Variants in GPR180 observed in about 807,000 individuals in gnomAD.
GPR180 encodes the protein integral membrane protein GPR180.
In GPR180, 53 loss-of-function variants were observed where a neutral mutation model predicts 52.6. The ratio of observed to expected loss-of-function variants is 1.01; its 90% CI spans 0.81 to 1.27. The LOEUF is 1.27. GPR180 is among the 50% of genes most tolerant of loss of function. The pLI is 0.00. For synonymous variants in GPR180, 200 were observed against 193.1 expected, an observed-to-expected ratio of 1.04 and a Z score of -0.30; for missense variants, 533 against 527.0, an observed-to-expected ratio of 1.01 and a Z score of -0.11.
At chr13:94,618,419 G>GTTTTTTTT (rs1566980109) in intron 3 of GPR180, among the ~76,000 whole-genome samples, 2 of 72,978 alleles carry the variant, frequency 2.7e-5, no homozygotes, top group African/African-American at 2.4e-4. Flanking sequence ...ATCAGCACAG[G>GTTTTTTTT]ATTTTTTTTT....
Position 94,619,165 on chromosome 13 carries a change from T to A in GPR180, c.521T>A (p.Phe174Tyr). The change falls in exon 4 of 9, where the codon TTT (phenylalanine) becomes TAT (tyrosine). Residue 174 changes from phenylalanine to tyrosine, a missense_variant. Phe to Tyr is a conservative substitution (Grantham distance 22). Transcript: ENST00000376958. ...SAGESGLHEF[F>Y]FLLVLVYFVI... The stretch of plus-strand genomic sequence containing the variant: ...CTCTTCACAGGGTTACATGAGTTCT[T>A]TTTCCTCCTAGTCCTAGTGTACTTT... 1.9e-6 allele frequency: 3 copies of A among 1,613,788 alleles called. No individual in the cohort carries two copies. The highest frequency in any genetic ancestry group is 2.5e-6 in the Non-Finnish European group (3 of 1,179,904).
rs1241216594 is a variant in GPR180, at chr13:94,601,938, T to C, written c.11T>C (p.Leu4Pro). 6.7e-7 allele frequency: 1 copy of C among 1,494,430 alleles called. No individual in the cohort carries two copies. The highest frequency in any genetic ancestry group is 8.9e-7 in the Non-Finnish European group (1 of 1,127,660). 92.6% of individuals were successfully genotyped at this position (1,494,430 alleles called of 1,614,324 possible). ...GACCTGGAGACGGGCATGGGGGGGC[T>C]GCGGCTGCTGGCTGTGGCCCTCACG... MGG[L>P]RLLAVALTCC... Residue 4 changes from leucine (L) to proline (P), a missense_variant, in exon 1 of 9, where the codon CTG (leucine) becomes CCG (proline). Physicochemically the swap from Leu to Pro is moderately conservative, Grantham distance 98. Transcript: ENST00000376958.
Position 94,627,201 on chromosome 13 carries a change from A to G in GPR180, c.*30A>G. The G allele has an allele frequency of 2.5e-6, 4 of 1,602,084 alleles. No individual in the cohort carries two copies. The highest frequency in any genetic ancestry group is 3.4e-6 in the Non-Finnish European group (4 of 1,171,860). On this transcript the variant is annotated 3_prime_UTR_variant, in exon 9 of 9. Transcript: ENST00000376958. ...TGATTTTTGTTGAGAGGAAAAGTGA[A>G]TTGGTTAAAAGAGTGCAATAAGGAT...
intron 2 of GPR180, among the ~76,000 whole-genome samples, chr13:94,609,273 A>C (rs1414236517): frequency 2.0e-5 from 3 of 152,212 alleles, no homozygotes; most frequent in Non-Finnish European, 4.4e-5. Context: ...CACCATTCTC[A>C]GCAGTTCAAG....
intron 1 of GPR180, 72 bp from the exon 2 acceptor site, chr13:94,605,319 G>A (rs1446281214): frequency 5.8e-6 from 8 of 1,367,966 alleles, no homozygotes; most frequent in Non-Finnish European, 8.3e-6. Flanking sequence ...GTAAGTAGAG[G>A]TGTTGAGTTG....
At position 94,629,475 on chromosome 13, in the gene GPR180, A is replaced by C. The variant is rs555055243; in HGVS notation, c.*2304A>C. 2.0e-4 allele frequency: 30 copies of C among 152,266 alleles called. No homozygotes were observed. Among genetic ancestry groups the C allele is most frequent in the African/African-American group, 7.2e-4 (30 of 41,560 alleles). The allele number at this position is 152,266 out of a possible 1,614,324, so 9.4% of individuals were successfully genotyped here. A position where few individuals can be genotyped will look rare whatever the true frequency, so the allele number is the denominator to read the frequency against. Reference sequence around the variant, plus strand: ...TTTTACCAGGCATTTTACCTTCATTATTACTCATCTCTATTGTGATAACCA... The same window carrying C: ...TTTTACCAGGCATTTTACCTTCATTCTTACTCATCTCTATTGTGATAACCA... On this transcript the variant is annotated 3_prime_UTR_variant, in exon 9 of 9. Transcript: ENST00000376958.
At chr13:94,622,166 G>T (rs540760599) in intron 6 of GPR180, among the ~76,000 whole-genome samples, 2 of 152,226 alleles carry the variant, frequency 1.3e-5, no homozygotes, top group Admixed American at 6.5e-5. Context: ...AGGAGGTAGT[G>T]CCAGGAAAGG....
At chr13:94,618,451 G>T (rs1255633985) in intron 3 of GPR180, among the ~76,000 whole-genome samples, 1 of 69,112 alleles carries the variant, frequency 1.4e-5, no homozygotes, top group African/African-American at 1.3e-4. Context: ...TTTGGCAAGA[G>T]CTGCAGACAG....
rs769904356 is a variant in GPR180, at chr13:94,618,328, T to TA, written c.506-821dup. 1.4e-4 allele frequency among the ~76,000 whole-genome samples: 22 copies of TA among 152,224 alleles called. No homozygotes were observed. The South Asian group carries it at 1.7e-3, about 11-fold the overall frequency. On this transcript the variant is annotated intron_variant, in intron 3 of 8. Coordinates refer to ENST00000376958, the MANE Select transcript of GPR180 (RefSeq NM_180989.6). ...AGCCTAACTTAGCTTTCAGAATTGT[T>TA]ACGTTGTTGGCCCCTTGCATTGGTA...
chr13:94,632,551 C>T lies in GPR180; in HGVS notation c.*5380C>T, dbSNP rs991940744. 1.3e-5 allele frequency: 2 copies of T among 152,168 alleles called. No homozygotes were observed. The highest frequency in any genetic ancestry group is 4.8e-5 in the African/African-American group (2 of 41,424). 9.4% of individuals were successfully genotyped at this position (152,168 alleles called of 1,614,324 possible). ...TCTGTTACTGCACGTTGTTGGTTTT[C>T]AGTCTTGCTAATACAGACAAGGCTG... is the stretch of plus-strand genomic sequence containing the variant. On this transcript the variant is annotated 3_prime_UTR_variant, in exon 9 of 9. Coordinates refer to ENST00000376958, the MANE Select transcript of GPR180 (RefSeq NM_180989.6).
intron 3 of GPR180, among the ~76,000 whole-genome samples, chr13:94,615,780 T>A (rs1332446868): frequency 6.6e-6 from 1 of 152,206 alleles, no homozygotes; most frequent in East Asian, 1.9e-4. Flanking sequence ...GCCATCTCAC[T>A]GTTTTTAAAA....
chr13:94,613,758 A>T (rs1889741991), intron 3 of GPR180, among the ~76,000 whole-genome samples: 1 of 152,152 alleles, frequency 6.6e-6, no homozygotes, highest in African/African-American at 2.4e-5. Context: ...TCATTTCCTT[A>T]ATCTTTTTAA....
At chr13:94,612,058 C>A in intron 2 of GPR180, 132 bp from the exon 3 acceptor site, 1 of 658,984 alleles carries the variant, frequency 1.5e-6, no homozygotes, top group Non-Finnish European at 2.6e-6. Context: ...ATTCCAAATA[C>A]TACACAAGGT....
chr13:94,622,635 G>A (rs1889866124), intron 6 of GPR180, among the ~76,000 whole-genome samples: 1 of 152,160 alleles, frequency 6.6e-6, no homozygotes, highest in Non-Finnish European at 1.5e-5. Flanking sequence ...GTTCAGAAAT[G>A]TTGGTTAAGA....
At chr13:94,604,550 A>G (rs1363061732) in intron 1 of GPR180, among the ~76,000 whole-genome samples, 1 of 151,936 alleles carries the variant, frequency 6.6e-6, no homozygotes, top group Non-Finnish European at 1.5e-5. Flanking sequence ...AGATTGCGCC[A>G]CTGCACTCCA....
rs1566985318 is a variant in GPR180 at position 94,629,140 on chromosome 13, T to C, written c.*1969T>C. 6.6e-6 allele frequency: 1 copy of C among 152,170 alleles called. No individual in the cohort carries two copies. The highest frequency in any genetic ancestry group is 1.5e-5 in the Non-Finnish European group (1 of 67,992). The allele number at this position is 152,170 out of a possible 1,614,324, so 9.4% of individuals were successfully genotyped here. A position where few individuals can be genotyped will look rare whatever the true frequency, so the allele number is the denominator to read the frequency against. On this transcript the variant is annotated 3_prime_UTR_variant, in exon 9 of 9. Coordinates refer to ENST00000376958, the MANE Select transcript of GPR180 (RefSeq NM_180989.6). ...AATGTATAAAACTGTTCTTGACTAG[T>C]AATCAGGGACAAAATTTATAGTTCA... is the stretch of plus-strand genomic sequence containing the variant.
intron 2 of GPR180, among the ~76,000 whole-genome samples, chr13:94,611,364 T>C (rs1889701361): frequency 6.6e-6 from 1 of 152,212 alleles, no homozygotes; most frequent in Admixed American, 6.5e-5. Flanking sequence ...TAAATTTAAC[T>C]CGAGTAATCT....
Position 94,601,879 on chromosome 13 carries a change from G to A in GPR180, c.-49G>A. On this transcript the variant is annotated 5_prime_UTR_variant, in exon 1 of 9. Coordinates refer to ENST00000376958, the MANE Select transcript of GPR180 (RefSeq NM_180989.6). Reference sequence around the variant, plus strand: ...CCCAGCTGCCGACGTGGGGCGGGCAGCCGCCGGCGGCTGGGAGCCGAGGCG... The same window carrying A: ...CCCAGCTGCCGACGTGGGGCGGGCAACCGCCGGCGGCTGGGAGCCGAGGCG... 5 of 1,339,216 alleles carry A rather than the reference G, an allele frequency of 3.7e-6. No homozygotes were observed. The South Asian group carries it at 5.5e-5, about 15-fold the overall frequency. The allele number at this position is 1,339,216 out of a possible 1,614,324, so 83.0% of individuals were successfully genotyped here. A position where few individuals can be genotyped will look rare whatever the true frequency, so the allele number is the denominator to read the frequency against.
intron 1 of GPR180, 120 bp from the exon 2 acceptor site, chr13:94,605,271 G>A: frequency 1.2e-6 from 1 of 832,026 alleles, no homozygotes; most frequent in Non-Finnish European, 2.0e-6. Flanking sequence ...AGTTAAGCGA[G>A]ATTTAAGAAG....
Sources: gnomAD v4.1 joint callset for allele counts (sites outside exome capture counted in the v4.1 genomes callset) on GRCh38, gnomAD v4.1.1 for gene constraint, MANE v1.5 for transcripts, NCBI Gene and HGNC (gene_info 2026-07-23, HGNC 2026-07-21) for gene names.